The following CFAP43 variants were observed in gnomAD, a reference collection of about 807,000 sequenced individuals.
CFAP43 encodes cilia and flagella associated protein 43.
In CFAP43, 155 loss-of-function variants were observed where a neutral mutation model predicts 218.9. The ratio of observed to expected loss-of-function variants is 0.71; its 90% confidence interval spans 0.62 to 0.81. CFAP43 has a LOEUF of 0.81. Among genes scored for constraint, CFAP43 ranks in the 30% least tolerant of loss-of-function variants. The probability of loss-of-function intolerance (pLI) is 0.00; values close to 1 mark genes in which losing one functional copy is unlikely to be tolerated. For missense variants in CFAP43, 1,778 were observed against 1,954.3 expected (o/e 0.91, Z 1.70); for synonymous variants, 645 against 681.3 (o/e 0.95, Z 0.83).
chr10:104,162,805 G>A (rs116238122), intron 24 of CFAP43, among the ~76,000 whole-genome samples: 1 of 151,830 alleles, frequency 6.6e-6, no homozygotes, highest in Non-Finnish European at 1.5e-5. Context: ...AGAGAAGTTG[G>A]GCAAGAAAGG....
chr10:104,223,562 A>G (rs1564817134), intron 3 of CFAP43, among the ~76,000 whole-genome samples: 1 of 152,228 alleles, frequency 6.6e-6, no homozygotes, highest in Non-Finnish European at 1.5e-5. Context: ...ATTTGTGCTC[A>G]TTCCACTTCA....
At chr10:104,161,748 C>T (rs1394622092) in intron 26 of CFAP43, among the ~76,000 whole-genome samples, 1 of 152,098 alleles carries the variant, frequency 6.6e-6, no homozygotes, top group African/African-American at 2.4e-5. Flanking sequence ...AATTCCTGGC[C>T]TCCTCACTTA....
chr10:104,162,022 C>G lies in CFAP43; in HGVS notation c.3353G>C (p.Arg1118Pro), dbSNP rs772172286. ...LLIQDASTRL[R>P]ALMDMMGGVL... The stretch of plus-strand genomic sequence containing the variant: ...TCCTCCCATCATGTCCATCAGAGCT[C>G]GGAGTCTTGTACTGGCATCCTGGGA... The change falls in exon 26 of 38, where the codon CGA becomes CCA. Residue 1118 changes from arginine (R) to proline (P), a missense_variant. Arg to Pro is a moderately radical substitution (Grantham distance 103). Coordinates refer to ENST00000357060, the MANE Select transcript of CFAP43 (RefSeq NM_025145.7). 1 of 1,613,532 alleles carries G rather than the reference C, an allele frequency of 6.2e-7. No individual in the cohort carries two copies. The highest frequency in any genetic ancestry group is 1.1e-5 in the South Asian group (1 of 90,924).
chr10:104,140,788 C>A, intron 34 of CFAP43, 54 bp downstream of exon 34: 1 of 1,417,498 alleles, frequency 7.1e-7, no homozygotes, highest in South Asian at 1.4e-5. Context: ...AAGACTCTAG[C>A]CTGAGTAACA....
In CFAP43 at chr10:104,161,923, C is replaced by T. The variant is rs760519716; in HGVS notation, c.3414+38G>A. On this transcript the variant is annotated intron_variant, in intron 26 of 37. Coordinates refer to ENST00000357060, the MANE Select transcript of CFAP43 (RefSeq NM_025145.7). ...GTAAAACTTAAGTAGCTCTTTCCAC[C>T]CCATTCCACCTTCTATAAGGATGAA... The T allele has an allele frequency of 5.1e-6, 8 of 1,582,842 alleles. No individual in the cohort carries two copies. The South Asian group carries it at 8.1e-5, about 16-fold the overall frequency.
intron 5 of CFAP43, among the ~76,000 whole-genome samples, chr10:104,210,839 G>A (rs1254307645): frequency 7.4e-6 from 1 of 134,546 alleles, no homozygotes; most frequent in Non-Finnish European, 1.5e-5. Flanking sequence ...CGCCCAGGCT[G>A]GAGTGCAGTG....
rs1003908440 is a variant in CFAP43, at chr10:104,230,408, T to C, written c.319+182A>G. ...TGAACCTGGGAGGCAGAGATTGCAG[T>C]GAGCCAAGATCGCACCACTGCACTC... On this transcript the variant is annotated intron_variant, in intron 2 of 37. Coordinates refer to ENST00000357060, the MANE Select transcript of CFAP43 (RefSeq NM_025145.7). Among the ~76,000 whole-genome samples the C allele has an allele frequency of 2.0e-5, 3 of 152,114 alleles. No homozygotes were observed. In the East Asian group the frequency reaches 5.8e-4, roughly 29 times the overall value.
At chr10:104,150,985 G>A (rs1335520995) in intron 28 of CFAP43, among the ~76,000 whole-genome samples, 1 of 152,064 alleles carries the variant, frequency 6.6e-6, no homozygotes, top group Non-Finnish European at 1.5e-5. Flanking sequence ...ATAAGTGAGA[G>A]CATATCATAT....
intron 28 of CFAP43, among the ~76,000 whole-genome samples, chr10:104,148,908 C>G (rs2088112346): frequency 6.6e-6 from 1 of 152,090 alleles, no homozygotes; most frequent in African/African-American, 2.4e-5. Flanking sequence ...TTTTTACTAC[C>G]TGGATGATGA....
At chr10:104,158,117 C>T (rs371691135) in intron 27 of CFAP43, among the ~76,000 whole-genome samples, 1 of 152,140 alleles carries the variant, frequency 6.6e-6, no homozygotes, top group South Asian at 2.1e-4. Flanking sequence ...AAAAGCTCTT[C>T]TTTGCAGAAG....
At position 104,230,598 on chromosome 10, in the gene CFAP43, T is replaced by C. The variant is rs766112739; in HGVS notation, c.311A>G (p.Lys104Arg). The part of the protein sequence containing the change: ...YSFPGLTRRT[K>R]LKGNILLDYT... ...AGGGTTCTCTAGAATACCTTTCAAT[T>C]TGGTCCTTCTGGTCAATCCTGGAAA... The change falls in exon 2 of 38, where the codon AAA (lysine) becomes AGA (arginine). Residue 104 changes from lysine to arginine, a missense_variant. Coordinates refer to ENST00000357060, the MANE Select transcript of CFAP43 (RefSeq NM_025145.7). 3.1e-6 allele frequency: 5 copies of C among 1,613,840 alleles called. No individual in the cohort carries two copies. The Middle Eastern group carries it at 5.0e-4, about 160-fold the overall frequency.
chr10:104,179,122 T>C lies in CFAP43; in HGVS notation c.2383-16A>G. On this transcript the variant is annotated splice_polypyrimidine_tract_variant and intron_variant, in intron 18 of 37. Transcript: ENST00000357060. ...TTTTGATGGCCTGAAACAGAACAAG[T>C]ATATCACTTAACAAAGCAAGAGAAA... 1 of 1,592,906 alleles carries C rather than the reference T, an allele frequency of 6.3e-7. No individual in the cohort carries two copies. Among genetic ancestry groups the C allele is most frequent in the Admixed American group, 1.7e-5 (1 of 59,368 alleles).
rs1254864643 is a variant in CFAP43 at position 104,152,653 on chromosome 10, T to A, written c.3614A>T (p.Lys1205Ile). 2 of 1,613,906 alleles carry A rather than the reference T, an allele frequency of 1.2e-6. No individual in the cohort carries two copies. The highest frequency in any genetic ancestry group is 3.3e-5 in the Admixed American group (2 of 59,988). ...CTTCACTCTCCTTTCAAAAAGTCTT[T>A]TCAAATGTTCATCAAAGGCCTGTGT... The part of the protein sequence containing the change: ...ESTQAFDEHL[K>I]RLFERRVKAE... The change falls in exon 28 of 38, where the codon AAA becomes ATA. Residue 1205 changes from lysine to isoleucine, a missense_variant. Physicochemically the swap from Lys to Ile is moderately radical, Grantham distance 102 (BLOSUM62 -3). Transcript: ENST00000357060.
intron 32 of CFAP43, 64 bp from the exon 33 acceptor site, chr10:104,142,457 C>A: frequency 8.1e-7 from 1 of 1,231,182 alleles, no homozygotes; most frequent in Non-Finnish European, 1.1e-6. Context: ...CAACATACAT[C>A]TTTTAACTTT....
In CFAP43 at chr10:104,168,847, A is replaced by G. The variant is rs149887116; in HGVS notation, c.2588T>C (p.Met863Thr). 99 of 1,605,278 alleles carry G rather than the reference A, an allele frequency of 6.2e-5. No homozygotes were observed. The African/African-American group carries it at 1.1e-3, about 18-fold the overall frequency. The change falls in exon 21 of 38, where the codon ATG (methionine) becomes ACG (threonine). Residue 863 changes from methionine to threonine, a missense_variant and splice_region_variant. Around this residue, in one of 3 missense-constraint regions of CFAP43, gnomAD observed 1,553 missense variants for 1,685.2 expected, o/e 0.92. Coordinates refer to ENST00000357060, the MANE Select transcript of CFAP43 (RefSeq NM_025145.7). ...HDESQEEVAK[M>T]IKDVEMHNLA... ...GTTATGCATCTCTACATCCTTTATC[A>G]TCTTGAAGAACACAGACAAAGGGAA...
chr10:104,201,831 T>C (rs1363162552), intron 8 of CFAP43, among the ~76,000 whole-genome samples: 2 of 152,150 alleles, frequency 1.3e-5, no homozygotes, highest in African/African-American at 2.4e-5. Flanking sequence ...GTAAATTCTT[T>C]AGAATTTTCT....
At chr10:104,188,239 G>C (rs2090093889) in intron 13 of CFAP43, 31 bp downstream of exon 13, 1 of 1,609,452 alleles carries the variant, frequency 6.2e-7, no homozygotes, top group South Asian at 1.1e-5. Context: ...CTGGGCTCAG[G>C]AGCAGAACTG....
At chr10:104,191,139 C>T (rs1177447246) in intron 12 of CFAP43, among the ~76,000 whole-genome samples, 6 of 152,156 alleles carry the variant, frequency 3.9e-5, no homozygotes, top group East Asian at 3.9e-4. Context: ...CCTTTCTACT[C>T]CATCCTTCAC....
At chr10:104,141,924 A>G (rs1341896233) in intron 33 of CFAP43, among the ~76,000 whole-genome samples, 1 of 152,206 alleles carries the variant, frequency 6.6e-6, no homozygotes, top group African/African-American at 2.4e-5. Flanking sequence ...GTCTACATGG[A>G]AAGTTCTTAG....
Sources: allele counts gnomAD v4.1 joint callset (sites outside exome capture counted in the v4.1 genomes callset), GRCh38; gene constraint gnomAD v4.1.1; regional missense constraint gnomAD v4.1.1; transcripts MANE v1.5; gene names NCBI Gene and HGNC (gene_info 2026-07-23, HGNC 2026-07-21).